Variants in IFNAR1 observed in about 807,000 individuals in gnomAD.
IFNAR1 encodes interferon alpha/beta receptor 1.
A neutral mutation model predicts 62.1 loss-of-function variants in IFNAR1; 47 were observed. The observed-to-expected ratio is 0.76, with a 90% CI of 0.60 to 0.97. The LOEUF (loss-of-function observed/expected upper bound fraction) is 0.97, where lower values mean the gene tolerates loss of function less well. IFNAR1 is among the 50% of genes least tolerant of loss of function. The pLI is 0.00. For synonymous variants in IFNAR1, 219 were observed against 226.9 expected, an observed-to-expected ratio of 0.97 and a Z score of 0.31; for missense variants, 638 against 654.5, an observed-to-expected ratio of 0.97 and a Z score of 0.27.
chr21:33,334,684 G>T, intron 1 of IFNAR1: 1 of 834,870 alleles, frequency 1.2e-6, no homozygotes, highest in Non-Finnish European at 2.0e-6. Context: ...GCTATTGCCA[G>T]CATCCAGTCA....
chr21:33,350,441 T>C (rs747552079), intron 8 of IFNAR1, among the ~76,000 whole-genome samples: 9 of 152,046 alleles, frequency 5.9e-5, no homozygotes, highest in Non-Finnish European at 1.0e-4. Flanking sequence ...CAAAATCTTA[T>C]TCCTTAGTAT....
In IFNAR1 at chr21:33,352,826, G is replaced by A; in HGVS notation, c.1212G>A (p.Val404=). The A allele has an allele frequency of 6.2e-7, 1 of 1,602,842 alleles. No homozygotes were observed. Among genetic ancestry groups the A allele is most frequent in the Non-Finnish European group, 8.5e-7 (1 of 1,171,706 alleles). ...PNLKPLTVYC[V]KARAHTMDEK... ...TGAAACCACTGACTGTATATTGTGT[G>A]AAAGCCAGAGCACACACCATGGATG... Residue 404 remains valine, a synonymous_variant, in exon 9 of 11, where the codon GTG becomes GTA. Coordinates refer to ENST00000270139, the MANE Select transcript of IFNAR1 (RefSeq NM_000629.3).
intron 1 of IFNAR1, chr21:33,334,979 C>T (rs780951118): frequency 5.7e-6 from 9 of 1,576,732 alleles, no homozygotes; most frequent in Non-Finnish European, 7.8e-6. Flanking sequence ...ACCCAGGGCT[C>T]AGAGGCACTG....
intron 1 of IFNAR1, among the ~76,000 whole-genome samples, chr21:33,334,193 A>G (rs1445306442): frequency 6.6e-6 from 1 of 152,224 alleles, no homozygotes; most frequent in Non-Finnish European, 1.5e-5. Context: ...AAATATTACT[A>G]TACGTAAAGG....
chr21:33,349,619 A>G, intron 8 of IFNAR1, 76 bp downstream of exon 8: 1 of 1,133,608 alleles, frequency 8.8e-7, no homozygotes, highest in Non-Finnish European at 1.2e-6. Context: ...TTGAATGTAA[A>G]ATTTGGGGGA....
At chr21:33,336,943 G>A (rs2083243117) in intron 2 of IFNAR1, among the ~76,000 whole-genome samples, 1 of 151,982 alleles carries the variant, frequency 6.6e-6, no homozygotes, top group African/African-American at 2.4e-5. Context: ...TAGAGATGGG[G>A]TTTCGCCATG....
chr21:33,343,821 C>T (rs984054524), intron 5 of IFNAR1, 145 bp downstream of exon 5: 1 of 562,104 alleles, frequency 1.8e-6, no homozygotes, highest in Non-Finnish European at 3.0e-6. Context: ...ATAAATGTTA[C>T]TTGGGATTTT....
chr21:33,335,652 G>T lies in IFNAR1; in HGVS notation c.200+5G>T, dbSNP rs769695335. On this transcript the variant is annotated splice_donor_5th_base_variant and intron_variant, in intron 2 of 10. Transcript: ENST00000270139. Reference sequence around the variant, plus strand: ...TTTTTCATTCGATTATCAAAAGTATGTGACTCTACTTACTGATTTGTCAGA... The same window carrying T: ...TTTTTCATTCGATTATCAAAAGTATTTGACTCTACTTACTGATTTGTCAGA... 3.3e-6 allele frequency: 5 copies of T among 1,535,314 alleles called. No individual in the cohort carries two copies. The East Asian group carries it at 1.2e-4, about 37-fold the overall frequency.
chr21:33,337,366 A>G (rs889506002), intron 2 of IFNAR1, among the ~76,000 whole-genome samples: 7 of 152,086 alleles, frequency 4.6e-5, no homozygotes, highest in Non-Finnish European at 1.0e-4. Flanking sequence ...AGAAGGAGGA[A>G]TATAGAAGGG....
chr21:33,355,739 C>T lies in IFNAR1; in HGVS notation c.*190C>T, dbSNP rs2083441731. On this transcript the variant is annotated 3_prime_UTR_variant, in exon 11 of 11. Transcript: ENST00000270139. ...CTATTTAAAAATGAAATTACAGGCC[C>T]GGGCACGGTGGCTCACACCTGTAAT... 7 of 334,010 alleles carry T rather than the reference C, an allele frequency of 2.1e-5. No homozygotes were observed. Among genetic ancestry groups the T allele is most frequent in the South Asian group, 5.4e-5 (1 of 18,444 alleles). The allele number at this position is 334,010 out of a possible 1,614,324, so 20.7% of individuals were successfully genotyped here.
At chr21:33,349,654 G>A in intron 8 of IFNAR1, 111 bp downstream of exon 8, 1 of 768,486 alleles carries the variant, frequency 1.3e-6, no homozygotes, top group South Asian at 1.9e-5. Context: ...ATGTGGGCTG[G>A]ATGCAGTGGC....
At position 33,358,584 on chromosome 21, in the gene IFNAR1, G is replaced by C. The variant is rs1175886521; in HGVS notation, c.*3035G>C. On this transcript the variant is annotated 3_prime_UTR_variant, in exon 11 of 11. Coordinates refer to ENST00000270139, the MANE Select transcript of IFNAR1 (RefSeq NM_000629.3). ...ACCTGATGTAGGTCTTATTCCTTTAGTATGGACTTAAAGTACTTATTCATA... is the reference window on the plus strand; with the variant it reads ...ACCTGATGTAGGTCTTATTCCTTTACTATGGACTTAAAGTACTTATTCATA... 1 of 151,574 alleles carries C rather than the reference G, an allele frequency of 6.6e-6. No individual in the cohort carries two copies. The highest frequency in any genetic ancestry group is 1.5e-5 in the Non-Finnish European group (1 of 68,012). The allele number at this position is 151,574 out of a possible 1,614,324, so 9.4% of individuals were successfully genotyped here.
At chr21:33,341,474 G>A (rs2083291795) in intron 3 of IFNAR1, among the ~76,000 whole-genome samples, 2 of 152,142 alleles carry the variant, frequency 1.3e-5, no homozygotes, top group African/African-American at 4.8e-5. Context: ...ATTCACAGTG[G>A]AGTTTTCCAG....
At position 33,341,031 on chromosome 21, in the gene IFNAR1, G is replaced by T; in HGVS notation, c.233G>T (p.Gly78Val). The T allele has an allele frequency of 6.2e-7, 1 of 1,610,894 alleles. No individual in the cohort carries two copies. The highest frequency in any genetic ancestry group is 8.5e-7 in the Non-Finnish European group (1 of 1,178,020). Residue 78 changes from glycine to valine, a missense_variant, in exon 3 of 11, where the codon GGG becomes GTG. Gly to Val is a moderately radical substitution (Grantham distance 109). Coordinates refer to ENST00000270139, the MANE Select transcript of IFNAR1 (RefSeq NM_000629.3). ...TGMDNWIKLS[G>V]CQNITSTKCN... ...ATGGATAATTGGATAAAATTGTCTGGGTGTCAGAATATTACTAGTACCAAA... is the reference window on the plus strand; with the variant it reads ...ATGGATAATTGGATAAAATTGTCTGTGTGTCAGAATATTACTAGTACCAAA...
intron 6 of IFNAR1, among the ~76,000 whole-genome samples, chr21:33,347,512 C>T (rs1473045218): frequency 6.6e-6 from 1 of 152,098 alleles, no homozygotes; most frequent in Non-Finnish European, 1.5e-5. Flanking sequence ...AGTGATCTGC[C>T]CACCTCAGCC....
intron 1 of IFNAR1, among the ~76,000 whole-genome samples, chr21:33,333,743 C>T (rs1052681096): frequency 6.6e-6 from 1 of 151,448 alleles, no homozygotes; most frequent in African/African-American, 2.4e-5. Flanking sequence ...CCTGCCTCAG[C>T]CTCCTGAGTA....
chr21:33,336,897 C>T (rs1159839356), intron 2 of IFNAR1, among the ~76,000 whole-genome samples: 1 of 151,910 alleles, frequency 6.6e-6, no homozygotes, highest in African/African-American at 2.4e-5. Context: ...ATTGCAAGCA[C>T]ATGCCACCAT....
chr21:33,330,239 A>G (rs1430238340), intron 1 of IFNAR1, among the ~76,000 whole-genome samples: 1 of 152,142 alleles, frequency 6.6e-6, no homozygotes, highest in East Asian at 1.9e-4. Flanking sequence ...CTCGTCACAA[A>G]AGCGCAAAGA....
At chr21:33,339,789 G>A (rs886428439) in intron 2 of IFNAR1, among the ~76,000 whole-genome samples, 3 of 151,688 alleles carry the variant, frequency 2.0e-5, no homozygotes, top group South Asian at 2.1e-4. Context: ...TTAGCCAGAC[G>A]TGGTGGCACA....
Sources: allele counts gnomAD v4.1 joint callset (sites outside exome capture counted in the v4.1 genomes callset), GRCh38; gene constraint gnomAD v4.1.1; transcripts MANE v1.5; gene names NCBI Gene and HGNC (gene_info 2026-07-23, HGNC 2026-07-21).